Variants in DNAH9 observed in about 807,000 individuals in gnomAD.
DNAH9 encodes the protein DNAH9 variant protein.
DNAH9 carries 345 observed loss-of-function variants against 471.6 expected under a neutral mutation model. The ratio of observed to expected loss-of-function variants is 0.73; its 90% CI spans 0.67 to 0.80. The LOEUF is 0.80. Among genes scored for constraint, DNAH9 ranks in the 30% least tolerant of loss-of-function variants. The pLI is 0.00. For missense variants in DNAH9, 5,407 were observed against 5,609.2 expected (o/e 0.96, Z 1.15); for synonymous variants, 2,093 against 2,123.6 (o/e 0.99, Z 0.40).
intron 1 of DNAH9, among the ~76,000 whole-genome samples, chr17:11,602,053 C>T (rs1360671464): frequency 2.0e-5 from 3 of 152,186 alleles, no homozygotes; most frequent in Non-Finnish European, 4.4e-5. Flanking sequence ...CTTACTTCCT[C>T]CTCCAACCAC....
intron 17 of DNAH9, among the ~76,000 whole-genome samples, chr17:11,679,402 A>G (rs1030071316): frequency 1.4e-4 from 22 of 152,240 alleles, no homozygotes; most frequent in Non-Finnish European, 4.4e-5. Flanking sequence ...TGAATCCAGC[A>G]TTCAATACAA....
chr17:11,650,941 T>C, intron 12 of DNAH9, 128 bp from the exon 13 acceptor site: 1 of 936,672 alleles, frequency 1.1e-6, no homozygotes, highest in Non-Finnish European at 1.6e-6. Context: ...AAGAAACTGA[T>C]AGGAGCAGAA....
At position 11,756,681 on chromosome 17, in the gene DNAH9, G is replaced by T; in HGVS notation, c.6847+5G>T. The T allele has an allele frequency of 6.4e-7, 1 of 1,570,436 alleles. No individual in the cohort carries two copies. Among genetic ancestry groups the T allele is most frequent in the Non-Finnish European group, 8.8e-7 (1 of 1,140,184 alleles). ...CAGCAACTGTCTCTAGAGCAGGTAC[G>T]GCCCAAGAAGGGAAGAACCACAAAG... On this transcript the variant is annotated splice_donor_5th_base_variant and intron_variant, in intron 34 of 68. Coordinates refer to ENST00000262442, the MANE Select transcript of DNAH9 (RefSeq NM_001372.4).
intron 45 of DNAH9, among the ~76,000 whole-genome samples, chr17:11,811,276 G>A (rs1009167971): frequency 5.9e-5 from 9 of 151,546 alleles, no homozygotes; most frequent in Non-Finnish European, 7.4e-5. Flanking sequence ...TCATGCCACC[G>A]CACTCCAGCC....
intron 48 of DNAH9, among the ~76,000 whole-genome samples, chr17:11,829,489 T>C (rs1248667574): frequency 6.6e-6 from 1 of 152,258 alleles, no homozygotes; most frequent in Non-Finnish European, 1.5e-5. Flanking sequence ...TATTTATTTT[T>C]GAGACTGAGT....
intron 50 of DNAH9, among the ~76,000 whole-genome samples, chr17:11,855,285 G>A (rs1174879382): frequency 1.3e-5 from 2 of 152,114 alleles, no homozygotes; most frequent in Non-Finnish European, 2.9e-5. Flanking sequence ...AAAGTAAAAC[G>A]TTAAGGTGTT....
At chr17:11,831,409 AACTC>A (rs1469977275) in intron 48 of DNAH9, among the ~76,000 whole-genome samples, 1 of 152,070 alleles carries the variant, frequency 6.6e-6, no homozygotes, top group Non-Finnish European at 1.5e-5. Flanking sequence ...ATAAAGTGAG[AACTC>A]ACTCACCCAC....
chr17:11,684,124 T>C (rs185886435), intron 19 of DNAH9, among the ~76,000 whole-genome samples: 243 of 152,352 alleles, frequency 1.6e-3, no homozygotes, highest in Non-Finnish European at 2.4e-3. Context: ...TCTTCACTTT[T>C]AGATCATTTA....
chr17:11,760,512 G>C (rs1337489082), intron 35 of DNAH9, among the ~76,000 whole-genome samples: 9 of 151,686 alleles, frequency 5.9e-5, no homozygotes, highest in Non-Finnish European at 8.8e-5. Context: ...TTTGTTGTTA[G>C]TTTTTTTTAT....
chr17:11,677,995 C>A (rs985026337), intron 17 of DNAH9, among the ~76,000 whole-genome samples: 1 of 91,674 alleles, frequency 1.1e-5, no homozygotes, highest in Non-Finnish European at 2.2e-5. Flanking sequence ...TTTATTTAAG[C>A]CCCAGGAACT....
chr17:11,947,314 A>G (rs965856693), intron 67 of DNAH9, among the ~76,000 whole-genome samples: 40 of 152,234 alleles, frequency 2.6e-4, no homozygotes, highest in African/African-American at 9.4e-4. Flanking sequence ...ACAACTAGGC[A>G]TCATTTTCAA....
intron 55 of DNAH9, among the ~76,000 whole-genome samples, chr17:11,881,843 C>T (rs922324338): frequency 3.3e-5 from 5 of 151,606 alleles, no homozygotes; most frequent in South Asian, 2.1e-4. Flanking sequence ...ACCCGGGAGA[C>T]GGAGGTTGCA....
chr17:11,756,071 TC>T (rs1390173120), intron 33 of DNAH9, among the ~76,000 whole-genome samples: 1 of 151,894 alleles, frequency 6.6e-6, no homozygotes, highest in Non-Finnish European at 1.5e-5. Flanking sequence ...GGTCAGGAGA[TC>T]AAGACCATCC....
At position 11,611,593 on chromosome 17, in the gene DNAH9, G is replaced by A. The variant is rs149544577; in HGVS notation, c.774-57G>A. 2,325 of 1,579,136 alleles carry A rather than the reference G, an allele frequency of 1.5e-3. 6 individuals carry two copies. Among genetic ancestry groups the A allele is most frequent in the Middle Eastern group, 9.7e-3 (56 of 5,776 alleles). On this transcript the variant is annotated intron_variant, in intron 3 of 68. Transcript: ENST00000262442. Reference sequence around the variant, plus strand: ...TTCTGTGTGACGATGGGTCATCACAGTGTGACTTGCATTTCCTGATGCTTC... The same window carrying A: ...TTCTGTGTGACGATGGGTCATCACAATGTGACTTGCATTTCCTGATGCTTC...
At chr17:11,790,871 A>G (rs1969041073) in intron 41 of DNAH9, among the ~76,000 whole-genome samples, 1 of 152,116 alleles carries the variant, frequency 6.6e-6, no homozygotes, top group African/African-American at 2.4e-5. Flanking sequence ...TCTTTTATAA[A>G]TTAGCATATT....
At chr17:11,797,931 C>A in intron 43 of DNAH9, 138 bp downstream of exon 43, 1 of 839,762 alleles carries the variant, frequency 1.2e-6, no homozygotes, top group East Asian at 2.7e-5. Flanking sequence ...AAGATGGCTG[C>A]TGGCAGAGCA....
At chr17:11,720,726 G>T (rs2075041946) in intron 27 of DNAH9, among the ~76,000 whole-genome samples, 1 of 152,146 alleles carries the variant, frequency 6.6e-6, no homozygotes, top group Non-Finnish European at 1.5e-5. Flanking sequence ...GCATGATTTT[G>T]TTGTGTAGAG....
chr17:11,668,664 CA>C (rs56347198), intron 15 of DNAH9, among the ~76,000 whole-genome samples: 59 of 100,508 alleles, frequency 5.9e-4, no homozygotes, highest in Admixed American at 2.3e-3. Flanking sequence ...GACTGCATCT[CA>C]AAAAAAAAAA....
chr17:11,757,123 C>A (rs1283621283), intron 34 of DNAH9, among the ~76,000 whole-genome samples: 1 of 151,988 alleles, frequency 6.6e-6, no homozygotes, highest in Non-Finnish European at 1.5e-5. Context: ...GGGGCAGGGG[C>A]AGATGTTGGT....
Sources: allele counts gnomAD v4.1 joint callset (sites outside exome capture counted in the v4.1 genomes callset), GRCh38; gene constraint gnomAD v4.1.1; transcripts MANE v1.5; gene names NCBI Gene and HGNC (gene_info 2026-07-23, HGNC 2026-07-21).